CDH13: variants seen among roughly 807,000 people sequenced by gnomAD.
The protein encoded by CDH13 is cadherin-13.
In CDH13, 24 loss-of-function variants were observed where a neutral mutation model predicts 63.8. The observed-to-expected ratio is 0.38, with a 90% CI of 0.27 to 0.53. The LOEUF (loss-of-function observed/expected upper bound fraction) is 0.53. Ranked by LOEUF, CDH13 falls within the 20% of genes least tolerant of loss-of-function variation. CDH13 has a pLI of 0.85. For synonymous variants in CDH13, 503 were observed against 355.3 expected (o/e 1.42, Z -4.67); for missense variants, 1,049 against 903.1 (o/e 1.16, Z -2.07).
chr16:82,808,062 G>T (rs1864736019), intron 1 of CDH13, among the ~76,000 whole-genome samples: 1 of 152,164 alleles, frequency 6.6e-6, no homozygotes, highest in South Asian at 2.1e-4. Context: ...AGAGAGTGTA[G>T]TCAGAAGTCC....
intron 4 of CDH13, among the ~76,000 whole-genome samples, chr16:83,128,566 A>G (rs2035911594): frequency 6.6e-6 from 1 of 152,226 alleles, no homozygotes; most frequent in African/African-American, 2.4e-5. Context: ...TGCCTGGAAA[A>G]TCCCAGTTTA....
At position 82,788,402 on chromosome 16, in the gene CDH13, G is replaced by T. The variant is rs146630826; in HGVS notation, c.46-69960G>T. On this transcript the variant is annotated intron_variant, in intron 1 of 13. Transcript: ENST00000567109. ...CCTCCTGGACGACCGCCCTGATGTG[G>T]TCCACGTGACTCTTAACAGGTATCA... Among the ~76,000 whole-genome samples the T allele has an allele frequency of 6.6e-5, 10 of 152,256 alleles. No homozygotes were observed. In the East Asian group the frequency reaches 1.7e-3, roughly 27 times the overall value.
At chr16:82,864,450 T>C (rs2040050930) in intron 2 of CDH13, among the ~76,000 whole-genome samples, 1 of 152,144 alleles carries the variant, frequency 6.6e-6, no homozygotes, top group African/African-American at 2.4e-5. Context: ...CTTACAATCA[T>C]GGCAGAAGGT....
At chr16:82,671,142 G>C (rs6565057) in intron 1 of CDH13, among the ~76,000 whole-genome samples, 130,092 of 152,220 alleles carry the variant, frequency 0.85, 55,882 homozygotes, top group East Asian at 1. Flanking sequence ...ACAAGTCTGT[G>C]CAGTGCTACA....
intron 3 of CDH13, among the ~76,000 whole-genome samples, chr16:83,080,492 C>G (rs1597292222): frequency 6.6e-6 from 1 of 152,176 alleles, no homozygotes. Context: ...TTCCACTGAA[C>G]ACTTTGCATG....
At chr16:83,732,825 C>A (rs527463812) in intron 10 of CDH13, among the ~76,000 whole-genome samples, 48 of 152,300 alleles carry the variant, frequency 3.2e-4, no homozygotes, top group Non-Finnish European at 5.9e-4. Context: ...CTTGAAATCC[C>A]TGGGGATATC....
intron 1 of CDH13, chr16:82,639,333 T>C: frequency 6.7e-7 from 1 of 1,495,956 alleles, no homozygotes; most frequent in Middle Eastern, 1.7e-4. Context: ...TTGTGTTCTT[T>C]GTCTCCATGT....
chr16:82,679,307 C>A (rs535280754), intron 1 of CDH13, among the ~76,000 whole-genome samples: 3 of 152,316 alleles, frequency 2.0e-5, no homozygotes, highest in Admixed American at 2.0e-4. Context: ...ACCTGGGAAG[C>A]TGTCTGATCA....
At chr16:83,036,143 C>CTTT (rs34375178) in intron 3 of CDH13, among the ~76,000 whole-genome samples, 25 of 90,812 alleles carry the variant, frequency 2.8e-4, no homozygotes, top group South Asian at 8.8e-4. Flanking sequence ...GAGCTCTCCT[C>CTTT]TTTTTTTTTT....
intron 6 of CDH13, among the ~76,000 whole-genome samples, chr16:83,432,453 G>C (rs2072149784): frequency 6.6e-6 from 1 of 152,148 alleles, no homozygotes; most frequent in Non-Finnish European, 1.5e-5. Context: ...GGCAGAGTGG[G>C]GACCTATGCC....
rs150563585 is a variant in CDH13 at position 83,368,884 on chromosome 16, TTATATATATATATATATATATATA to T, written c.781+23909_781+23932del. ...TATGGCTGAGTAGTAGTATTCCATGTTATATATATATATATATATATATATATATATATATATATATATATATAT... is the reference window on the plus strand; with the variant it reads ...TATGGCTGAGTAGTAGTATTCCATGTTATATATATATATATATATATATAT... On this transcript the variant is annotated intron_variant, in intron 6 of 13. Transcript: ENST00000567109. 6.6e-3 allele frequency among the ~76,000 whole-genome samples: 316 copies of T among 47,692 alleles called. 8 individuals are homozygous for T. Among genetic ancestry groups the T allele is most frequent in the East Asian group, 0.017 (7 of 404 alleles). The allele number at this position is 47,692 out of a possible 152,430, so 31.3% of individuals were successfully genotyped here.
intron 1 of CDH13, among the ~76,000 whole-genome samples, chr16:82,654,602 A>G (rs1378236385): frequency 6.6e-6 from 1 of 152,070 alleles, no homozygotes; most frequent in Admixed American, 6.5e-5. Flanking sequence ...GGGCATTCCC[A>G]TTTTCTGGAC....
At chr16:82,822,591 C>T (rs1223514525) in intron 1 of CDH13, among the ~76,000 whole-genome samples, 2 of 152,118 alleles carry the variant, frequency 1.3e-5, no homozygotes, top group East Asian at 3.9e-4. Context: ...TCACCTTCTG[C>T]TCAAGAGATC....
chr16:83,047,656 C>T lies in CDH13; in HGVS notation c.366+15438C>T, dbSNP rs1384920188. On this transcript the variant is annotated intron_variant, in intron 3 of 13. Transcript: ENST00000567109. This position sits in a 1 kb window ranked among gnomAD's most constrained non-coding sequence, Gnocchi z 4.9. Reference sequence around the variant, plus strand: ...AGAGATTTGACTGACTTGTTCGTTGCTATAAATCTAGCACTTACAATATCT... The same window carrying T: ...AGAGATTTGACTGACTTGTTCGTTGTTATAAATCTAGCACTTACAATATCT... 6.6e-6 allele frequency among the ~76,000 whole-genome samples: 1 copy of T among 152,180 alleles called. No individual in the cohort carries two copies. The highest frequency in any genetic ancestry group is 1.5e-5 in the Non-Finnish European group (1 of 68,036).
intron 3 of CDH13, among the ~76,000 whole-genome samples, chr16:83,071,649 A>T (rs1168477604): frequency 6.6e-6 from 1 of 152,226 alleles, no homozygotes; most frequent in East Asian, 1.9e-4. Flanking sequence ...GGTACGAGCA[A>T]GCTGGACTGA....
At position 83,486,462 on chromosome 16, in the gene CDH13, G is replaced by T. The variant is rs1248188054; in HGVS notation, c.782-15G>T. On this transcript the variant is annotated splice_polypyrimidine_tract_variant and intron_variant, in intron 6 of 13. Coordinates refer to ENST00000567109, the MANE Select transcript of CDH13 (RefSeq NM_001257.5). ...ATTGATAACCATTCCGTGCCTTTCTGTCTTGCCCCGGTAGGCACCACAGTG... is the reference window on the plus strand; with the variant it reads ...ATTGATAACCATTCCGTGCCTTTCTTTCTTGCCCCGGTAGGCACCACAGTG... 1 of 1,608,106 alleles carries T rather than the reference G, an allele frequency of 6.2e-7. No homozygotes were observed. Among genetic ancestry groups the T allele is most frequent in the Non-Finnish European group, 8.5e-7 (1 of 1,176,426 alleles).
intron 5 of CDH13, among the ~76,000 whole-genome samples, chr16:83,267,240 C>G (rs1346424236): frequency 6.6e-6 from 1 of 152,122 alleles, no homozygotes; most frequent in Non-Finnish European, 1.5e-5. Flanking sequence ...GCTGAAGGTG[C>G]AGGGAAGCTC....
intron 1 of CDH13, among the ~76,000 whole-genome samples, chr16:82,737,123 C>G (rs1193766097): frequency 6.6e-6 from 1 of 152,186 alleles, no homozygotes; most frequent in Non-Finnish European, 1.5e-5. Flanking sequence ...TATCTTAAGC[C>G]TTGAACCCTC....
At chr16:83,359,127 C>T (rs887077199) in intron 6 of CDH13, among the ~76,000 whole-genome samples, 1 of 151,996 alleles carries the variant, frequency 6.6e-6, no homozygotes, top group South Asian at 2.1e-4. Flanking sequence ...TGAGAAAGTA[C>T]CTGTGAGTTC....
Sources: allele counts gnomAD v4.1 joint callset (sites outside exome capture counted in the v4.1 genomes callset), GRCh38; gene constraint gnomAD v4.1.1; non-coding constraint Gnocchi (gnomAD v3.1); transcripts MANE v1.5; gene names NCBI Gene and HGNC (gene_info 2026-07-23, HGNC 2026-07-21).